GRIA1: variants seen among roughly 807,000 people sequenced by gnomAD.
The protein encoded by GRIA1 is glutamate ionotropic receptor AMPA type subunit 1, also known as glutamate receptor 1.
In GRIA1, 31 loss-of-function variants were observed where a neutral mutation model predicts 99.2. The ratio of observed to expected loss-of-function variants is 0.31; its 90% CI spans 0.23 to 0.42. GRIA1 has a LOEUF of 0.42. Among genes scored for constraint, GRIA1 ranks in the 10% least tolerant of loss-of-function variants. The pLI is 1.00. For synonymous variants in GRIA1, 438 were observed against 432.4 expected (o/e 1.01, Z -0.16); for missense variants, 782 against 1,157.5 (o/e 0.68, Z 4.71).
chr5:153,785,888 T>C (rs1426037474), intron 13 of GRIA1, among the ~76,000 whole-genome samples: 1 of 152,238 alleles, frequency 6.6e-6, no homozygotes, highest in Non-Finnish European at 1.5e-5. Context: ...TGTGTCCCTG[T>C]GGCTTTGTCT....
intron 14 of GRIA1, among the ~76,000 whole-genome samples, chr5:153,800,179 C>T (rs1410650995): frequency 6.6e-6 from 1 of 152,062 alleles, no homozygotes; most frequent in Non-Finnish European, 1.5e-5. Flanking sequence ...CAGGCCTGTC[C>T]CTCTACCTAC....
chr5:153,773,883 G>T (rs147390248), intron 13 of GRIA1, among the ~76,000 whole-genome samples: 1 of 152,156 alleles, frequency 6.6e-6, no homozygotes, highest in African/African-American at 2.4e-5. Context: ...AGTAACGCTC[G>T]TCTTAAAAGG....
intron 5 of GRIA1, among the ~76,000 whole-genome samples, chr5:153,663,417 C>G (rs1428058070): frequency 6.6e-6 from 1 of 152,212 alleles, no homozygotes; most frequent in Non-Finnish European, 1.5e-5. Context: ...AAGAAATAAA[C>G]TCCTTTCTTC....
Position 153,807,464 on chromosome 5 carries a change from G to A in GRIA1, c.2521-3561G>A, listed in dbSNP as rs565324841. Among the ~76,000 whole-genome samples the A allele has an allele frequency of 2.6e-4, 40 of 152,296 alleles. No individual in the cohort carries two copies. The South Asian group carries it at 7.5e-3, about 28-fold the overall frequency. On this transcript the variant is annotated intron_variant, in intron 15 of 15. Transcript: ENST00000285900. ...ATGGGTCAGTCAGAGCAGCTTCCCT[G>A]AGAAACTGATATTTAACAGATTCAA... is the stretch of plus-strand genomic sequence containing the variant.
chr5:153,641,225 G>A (rs115812938), intron 2 of GRIA1, among the ~76,000 whole-genome samples: 2,409 of 152,240 alleles, frequency 0.016, 22 homozygotes, highest in Non-Finnish European at 0.025. Context: ...CAATGAGGCT[G>A]CCACATTCCC....
chr5:153,655,435 C>T (rs1754869276), intron 4 of GRIA1, among the ~76,000 whole-genome samples: 1 of 152,124 alleles, frequency 6.6e-6, no homozygotes, highest in African/African-American at 2.4e-5. Context: ...ATAAAATTCC[C>T]ACCTAAAGAA....
chr5:153,542,690 A>G (rs1759239202), intron 2 of GRIA1, among the ~76,000 whole-genome samples: 1 of 152,208 alleles, frequency 6.6e-6, no homozygotes, highest in South Asian at 2.1e-4. Flanking sequence ...TTTGCTAGCT[A>G]TGAAGCCTTG....
chr5:153,729,732 CCA>C (rs1760874039), intron 11 of GRIA1, among the ~76,000 whole-genome samples: 3 of 152,156 alleles, frequency 2.0e-5, no homozygotes, highest in Admixed American at 1.3e-4. Context: ...ACAAAAACCC[CCA>C]CACTCAATAA....
intron 2 of GRIA1, among the ~76,000 whole-genome samples, chr5:153,520,647 G>C (rs143808759): frequency 2.0e-5 from 3 of 152,098 alleles, no homozygotes; most frequent in East Asian, 3.9e-4. Context: ...AGTGCTAGAG[G>C]CTCCATAGTT....
intron 4 of GRIA1, among the ~76,000 whole-genome samples, chr5:153,653,585 A>G (rs1391864129): frequency 1.3e-5 from 2 of 152,248 alleles, no homozygotes; most frequent in Non-Finnish European, 2.9e-5. Flanking sequence ...AAGTGAGAAT[A>G]GACCAGGACC....
chr5:153,750,206 C>T (rs977554881), intron 11 of GRIA1, among the ~76,000 whole-genome samples: 2 of 152,170 alleles, frequency 1.3e-5, no homozygotes, highest in South Asian at 2.1e-4. Context: ...CTAGGAACCT[C>T]GATGCCCAGT....
upstream of GRIA1, chr5:153,489,670 C>G (rs930912028): frequency 2.6e-6 from 1 of 382,798 alleles, no homozygotes; most frequent in African/African-American, 2.1e-5. Context: ...ACACTACTAT[C>G]CTGAACACAG....
intron 2 of GRIA1, among the ~76,000 whole-genome samples, chr5:153,508,725 G>A (rs771879192): frequency 6.6e-6 from 1 of 152,206 alleles, no homozygotes; most frequent in Non-Finnish European, 1.5e-5. Flanking sequence ...GTATGTGTCA[G>A]TCAGTTTTTG....
At chr5:153,634,017 T>C (rs956478675) in intron 2 of GRIA1, among the ~76,000 whole-genome samples, 5 of 151,832 alleles carry the variant, frequency 3.3e-5, no homozygotes, top group African/African-American at 1.2e-4. Context: ...GGTACCGCAA[T>C]AGAGAATAAA....
chr5:153,536,404 C>T (rs1218301754), intron 2 of GRIA1, among the ~76,000 whole-genome samples: 2 of 152,258 alleles, frequency 1.3e-5, no homozygotes, highest in African/African-American at 2.4e-5. Context: ...ATCATTCTGC[C>T]GTACATTAGC....
intron 2 of GRIA1, among the ~76,000 whole-genome samples, chr5:153,631,448 C>T (rs940946123): frequency 6.6e-5 from 10 of 152,126 alleles, no homozygotes; most frequent in Non-Finnish European, 1.5e-4. Context: ...TATACTTGGA[C>T]AATTTAATTA....
At chr5:153,629,324 C>G (rs1002286761) in intron 2 of GRIA1, among the ~76,000 whole-genome samples, 5 of 152,204 alleles carry the variant, frequency 3.3e-5, no homozygotes, top group Admixed American at 3.3e-4. Context: ...ACTCCGGGGC[C>G]TTCACAGCTT....
chr5:153,800,458 C>T (rs1484941486), intron 14 of GRIA1, among the ~76,000 whole-genome samples: 1 of 152,212 alleles, frequency 6.6e-6, no homozygotes, highest in African/African-American at 2.4e-5. Flanking sequence ...AAGCACTGAA[C>T]TCATTTTTTG....
chr5:153,582,712 G>A (rs1019455451), intron 2 of GRIA1, among the ~76,000 whole-genome samples: 2 of 152,188 alleles, frequency 1.3e-5, no homozygotes, highest in Non-Finnish European at 2.9e-5. Context: ...ACTTAATTCA[G>A]TGTTCATAAA....
Sources: allele counts gnomAD v4.1 joint callset (sites outside exome capture counted in the v4.1 genomes callset), GRCh38; gene constraint gnomAD v4.1.1; transcripts MANE v1.5; gene names NCBI Gene and HGNC (gene_info 2026-07-23, HGNC 2026-07-21).